UBTD1: variants seen among roughly 807,000 people sequenced by gnomAD.
UBTD1 encodes ubiquitin domain containing 1.
In UBTD1, 19 loss-of-function variants were observed where a neutral mutation model predicts 21.7. The ratio of observed to expected loss-of-function variants is 0.87; its 90% CI spans 0.61 to 1.28. UBTD1 has a LOEUF of 1.28. Among genes scored for constraint, UBTD1 ranks in the 50% most tolerant of loss-of-function variants. UBTD1 has a pLI of 0.00. For missense variants in UBTD1, 282 were observed against 315.1 expected, an observed-to-expected ratio of 0.89 and a Z score of 0.80; for synonymous variants, 116 against 135.1, an observed-to-expected ratio of 0.86 and a Z score of 0.98.
chr10:97,511,157 GA>G (rs1224149999), intron 1 of UBTD1, among the ~76,000 whole-genome samples: 1 of 152,168 alleles, frequency 6.6e-6, no homozygotes, highest in Non-Finnish European at 1.5e-5. Context: ...CGCATACCTA[GA>G]TTCAAAATTG....
At chr10:97,565,939 C>G (rs1027787089) in intron 1 of UBTD1, among the ~76,000 whole-genome samples, 1 of 152,050 alleles carries the variant, frequency 6.6e-6, no homozygotes, top group African/African-American at 2.4e-5. Context: ...ATCTCGAATT[C>G]CTGGGCTCAA....
At chr10:97,519,101 G>A (rs907148521) in intron 1 of UBTD1, among the ~76,000 whole-genome samples, 2 of 152,160 alleles carry the variant, frequency 1.3e-5, no homozygotes, top group Admixed American at 6.5e-5. Flanking sequence ...AGGCATCTCC[G>A]GAGCCCACTT....
At chr10:97,538,600 C>A (rs746236288) in intron 1 of UBTD1, among the ~76,000 whole-genome samples, 1 of 152,292 alleles carries the variant, frequency 6.6e-6, no homozygotes, top group African/African-American at 2.4e-5. Flanking sequence ...CTCGTCTGGA[C>A]GTCCACCGTG....
At chr10:97,555,664 G>A (rs941499702) in intron 1 of UBTD1, among the ~76,000 whole-genome samples, 2 of 21,146 alleles carry the variant, frequency 9.5e-5, no homozygotes, top group East Asian at 7.9e-3. Context: ...CAGGTGGTAC[G>A]TGACGGGCTG....
intron 1 of UBTD1, among the ~76,000 whole-genome samples, chr10:97,535,923 A>C (rs115004028): frequency 0.015 from 2,200 of 150,760 alleles, 48 homozygotes; most frequent in African/African-American, 0.052. Context: ...GTCTCAAAAA[A>C]ATAAAATAAA....
intron 1 of UBTD1, among the ~76,000 whole-genome samples, chr10:97,521,969 A>G (rs2040468545): frequency 6.6e-6 from 1 of 152,164 alleles, no homozygotes; most frequent in Admixed American, 6.5e-5. Flanking sequence ...CTGTGGCCAT[A>G]TGGTTAGCTT....
At chr10:97,550,229 TCCCTGGAGTAAGG>T (rs910565213) in intron 1 of UBTD1, among the ~76,000 whole-genome samples, 4 of 152,160 alleles carry the variant, frequency 2.6e-5, no homozygotes, top group African/African-American at 9.7e-5. Flanking sequence ...GTTGGCCCCA[TCCCTGGAGTAAGG>T]GCCTGGGGAC....
intron 1 of UBTD1, among the ~76,000 whole-genome samples, chr10:97,542,745 C>T (rs1467376607): frequency 6.6e-6 from 1 of 152,224 alleles, no homozygotes; most frequent in African/African-American, 2.4e-5. Flanking sequence ...GGCAGGGCAG[C>T]TGGGTTTCCC....
At chr10:97,567,006 G>A (rs916524169) in intron 1 of UBTD1, among the ~76,000 whole-genome samples, 4 of 152,076 alleles carry the variant, frequency 2.6e-5, no homozygotes, top group Admixed American at 6.5e-5. Flanking sequence ...GGGGGAGTTT[G>A]TTGGTCATGA....
At chr10:97,539,813 T>C (rs552663018) in intron 1 of UBTD1, among the ~76,000 whole-genome samples, 2 of 152,180 alleles carry the variant, frequency 1.3e-5, no homozygotes, top group East Asian at 3.9e-4. Flanking sequence ...GCCCTGTCTC[T>C]CCCTGCTCCC....
intron 1 of UBTD1, among the ~76,000 whole-genome samples, chr10:97,512,820 G>C (rs1416185863): frequency 6.6e-6 from 1 of 152,232 alleles, no homozygotes; most frequent in Non-Finnish European, 1.5e-5. Context: ...GCATTTGTCT[G>C]TGATGGGGCC....
intron 1 of UBTD1, among the ~76,000 whole-genome samples, chr10:97,510,740 A>G (rs930801283): frequency 9.2e-5 from 14 of 152,112 alleles, no homozygotes; most frequent in Admixed American, 7.9e-4. Context: ...TGTTCGACCC[A>G]TTTATTCAGG....
At chr10:97,512,590 T>C (rs1303134436) in intron 1 of UBTD1, among the ~76,000 whole-genome samples, 1 of 152,230 alleles carries the variant, frequency 6.6e-6, no homozygotes, top group Admixed American at 6.5e-5. Context: ...AATGGGCCAG[T>C]CTTCAGGGTC....
chr10:97,520,694 C>T (rs1281682124), intron 1 of UBTD1, among the ~76,000 whole-genome samples: 2 of 152,160 alleles, frequency 1.3e-5, no homozygotes, highest in Non-Finnish European at 2.9e-5. Flanking sequence ...CCAGGGCTGC[C>T]TGCTGGTCCA....
At chr10:97,501,130 G>A (rs2040374865) in intron 1 of UBTD1, among the ~76,000 whole-genome samples, 1 of 152,142 alleles carries the variant, frequency 6.6e-6, no homozygotes, top group Admixed American at 6.5e-5. Context: ...ACCCTACTTT[G>A]TACCCTTCTC....
intron 1 of UBTD1, among the ~76,000 whole-genome samples, chr10:97,555,886 T>C (rs951046165): frequency 5.3e-5 from 8 of 152,228 alleles, no homozygotes; most frequent in Admixed American, 6.5e-5. Flanking sequence ...TTTCTTAAAA[T>C]GGGTACTGAG....
At chr10:97,566,759 T>C (rs1273025860) in intron 1 of UBTD1, among the ~76,000 whole-genome samples, 1 of 152,208 alleles carries the variant, frequency 6.6e-6, no homozygotes, top group Non-Finnish European at 1.5e-5. Context: ...GCCTCAGTTC[T>C]TCCACTCACT....
intron 1 of UBTD1, among the ~76,000 whole-genome samples, chr10:97,537,820 CTTTTTT>C (rs57859135): frequency 1.7e-5 from 2 of 119,498 alleles, no homozygotes; most frequent in Admixed American, 8.6e-5. Flanking sequence ...CAGGCTTTCT[CTTTTTT>C]TTTTTTTTTT....
intron 1 of UBTD1, among the ~76,000 whole-genome samples, chr10:97,542,311 A>G (rs1589877897): frequency 6.6e-6 from 1 of 152,182 alleles, no homozygotes; most frequent in African/African-American, 2.4e-5. Flanking sequence ...CCTCCCAACC[A>G]GTCTGGCAAG....
Sources: allele counts gnomAD v4.1 joint callset (sites outside exome capture counted in the v4.1 genomes callset), GRCh38; gene constraint gnomAD v4.1.1; transcripts MANE v1.5; gene names NCBI Gene and HGNC (gene_info 2026-07-23, HGNC 2026-07-21).